Variants in GLRA2 observed in about 807,000 individuals in gnomAD.
GLRA2 encodes the protein glycine receptor alpha 2.
GLRA2 carries 11 observed loss-of-function variants against 31.6 expected under a neutral mutation model. That is an observed-to-expected ratio of 0.35 (90% CI 0.22 to 0.58). The LOEUF (loss-of-function observed/expected upper bound fraction) is 0.58, where lower values mean the gene tolerates loss of function less well. Ranked by LOEUF, GLRA2 falls within the 20% of genes least tolerant of loss-of-function variation. The probability of loss-of-function intolerance (pLI) is 0.84; values close to 1 mark genes in which losing one functional copy is unlikely to be tolerated. For missense variants in GLRA2, 212 were observed against 351.8 expected, an observed-to-expected ratio of 0.60 and a Z score of 3.18; for synonymous variants, 132 against 134.0, an observed-to-expected ratio of 0.99 and a Z score of 0.10.
chrX:14,536,873 CAG>C (rs57947623), intron 2 of GLRA2, among the ~76,000 whole-genome samples: 175 of 111,469 alleles, frequency 1.6e-3, no homozygotes, highest in African/African-American at 4.8e-3. Context: ...AAGTATGAGT[CAG>C]AGTTGTCAAT....
chrX:14,589,676 A>AAT (rs1250163455), intron 4 of GLRA2, among the ~76,000 whole-genome samples: 73 of 71,756 alleles, frequency 1.0e-3, no homozygotes, highest in African/African-American at 2.5e-3. Flanking sequence ...ATCTCAAAAA[A>AAT]ATATATATAT....
the GLRA2 span, among the ~76,000 whole-genome samples, chrX:14,485,272 T>C: frequency 8.9e-6 from 1 of 112,417 alleles, no homozygotes; most frequent in African/African-American, 3.2e-5. Context: ...TTTATATCCA[T>C]GCCCCAAGAG....
At chrX:14,465,780 C>T in the GLRA2 span, among the ~76,000 whole-genome samples, 1 of 111,856 alleles carries the variant, frequency 8.9e-6, no homozygotes, top group Admixed American at 9.5e-5. Flanking sequence ...GCCCCAAATT[C>T]TTTATCTTGT....
rs12832599 is a variant in GLRA2 at position 14,695,472 on chromosome X, C to A, written c.1080+4613C>A. Among the ~76,000 whole-genome samples the A allele has an allele frequency of 9.7e-3, 1,091 of 112,099 alleles. 4 individuals are homozygous for A. The highest frequency in any genetic ancestry group is 0.016 in the Non-Finnish European group (856 of 53,076). The stretch of plus-strand genomic sequence containing the variant: ...AGGTGAGAAAAAATAAAATTCAAAG[C>A]AAAGGGTCAGGGTTGGCATTACATG... On this transcript the variant is annotated intron_variant, in intron 8 of 8. Transcript: ENST00000218075.
chrX:14,579,084 T>C (rs2089987914), intron 3 of GLRA2, among the ~76,000 whole-genome samples: 1 of 112,252 alleles, frequency 8.9e-6, no homozygotes, highest in Non-Finnish European at 1.9e-5. Flanking sequence ...TGGTTACTTC[T>C]GCAGAATGAA....
chrX:14,635,559 T>G (rs1223196636), intron 7 of GLRA2, among the ~76,000 whole-genome samples: 1 of 111,777 alleles, frequency 8.9e-6, no homozygotes, highest in East Asian at 2.8e-4. Flanking sequence ...TGAGTAGTAA[T>G]GTTCTTTTGT....
chrX:14,722,253 G>A (rs1452422352), intron 8 of GLRA2, among the ~76,000 whole-genome samples: 3 of 111,397 alleles, frequency 2.7e-5, no homozygotes, highest in Non-Finnish European at 5.7e-5. Context: ...CAGTAACTGG[G>A]GCTGGAACAG....
intron 2 of GLRA2, among the ~76,000 whole-genome samples, chrX:14,555,795 A>G (rs1171000588): frequency 8.9e-6 from 1 of 112,183 alleles, no homozygotes; most frequent in Admixed American, 9.5e-5. Context: ...GTTCTGAATC[A>G]GATTTCCTGG....
At chrX:14,618,242 A>C (rs1014995205) in intron 7 of GLRA2, among the ~76,000 whole-genome samples, 35 of 111,703 alleles carry the variant, frequency 3.1e-4, no homozygotes, top group Admixed American at 3.0e-3. Flanking sequence ...TTTATAAAAT[A>C]TCTCTCATGG....
chrX:14,601,321 G>T (rs1372302993), intron 4 of GLRA2, among the ~76,000 whole-genome samples: 1 of 111,503 alleles, frequency 9.0e-6, no homozygotes, highest in Non-Finnish European at 1.9e-5. Flanking sequence ...CAATGAATGT[G>T]AAATGCTGTA....
the GLRA2 span, among the ~76,000 whole-genome samples, chrX:14,493,751 ATATG>A: frequency 9.9e-6 from 1 of 100,833 alleles, no homozygotes; most frequent in African/African-American, 3.7e-5. Context: ...ATATACGTGT[ATATG>A]TATACATATG....
the GLRA2 span, among the ~76,000 whole-genome samples, chrX:14,481,388 G>A: frequency 9.0e-6 from 1 of 111,365 alleles, no homozygotes; most frequent in Admixed American, 9.6e-5. Context: ...TATTAGGCCT[G>A]CATCTGATGG....
chrX:14,644,427 AG>A (rs2090807718), intron 7 of GLRA2, among the ~76,000 whole-genome samples: 1 of 111,825 alleles, frequency 8.9e-6, no homozygotes, highest in African/African-American at 3.2e-5. Flanking sequence ...CTAGATATTT[AG>A]AAAATCCCTC....
At chrX:14,617,380 T>C (rs1292657801) in intron 7 of GLRA2, among the ~76,000 whole-genome samples, 1 of 111,251 alleles carries the variant, frequency 9.0e-6, no homozygotes, top group East Asian at 2.8e-4. Flanking sequence ...AAACATAAAA[T>C]AGAAGATTAT....
At chrX:14,471,506 T>C in the GLRA2 span, among the ~76,000 whole-genome samples, 2,133 of 111,937 alleles carry the variant, frequency 0.019, 69 homozygotes, top group African/African-American at 0.066. Flanking sequence ...AACCAGCAAA[T>C]GCTGTGGTAG....
At chrX:14,517,105 G>T in the GLRA2 span, among the ~76,000 whole-genome samples, 1 of 112,106 alleles carries the variant, frequency 8.9e-6, no homozygotes, top group South Asian at 3.7e-4. Context: ...AGTAGCCCTT[G>T]TATCTCTTTG....
chrX:14,693,517 C>A (rs1407458930), intron 8 of GLRA2, among the ~76,000 whole-genome samples: 1 of 111,782 alleles, frequency 8.9e-6, no homozygotes, highest in East Asian at 2.8e-4. Flanking sequence ...AACTCACACT[C>A]ATAGTGAGGA....
chrX:14,646,115 T>C (rs1330553555), intron 7 of GLRA2, among the ~76,000 whole-genome samples: 2 of 112,154 alleles, frequency 1.8e-5, no homozygotes, highest in Admixed American at 9.5e-5. Context: ...GATTTCTACA[T>C]ATTATGTTAT....
At chrX:14,693,768 A>G (rs903537454) in intron 8 of GLRA2, among the ~76,000 whole-genome samples, 2 of 112,225 alleles carry the variant, frequency 1.8e-5, no homozygotes, top group Non-Finnish European at 3.8e-5. Flanking sequence ...CTAAAAATCA[A>G]TGGTACAAAG....
Sources: gnomAD v4.1 joint callset for allele counts (sites outside exome capture counted in the v4.1 genomes callset) on GRCh38, gnomAD v4.1.1 for gene constraint, MANE v1.5 for transcripts, NCBI Gene and HGNC (gene_info 2026-07-23, HGNC 2026-07-21) for gene names.